Variants in ZMAT4 observed in about 807,000 individuals in gnomAD.
ZMAT4 encodes the protein zinc finger matrin-type protein 4.
ZMAT4 carries 17 observed loss-of-function variants against 28.7 expected under a neutral mutation model. The observed-to-expected ratio is 0.59, with a 90% CI of 0.41 to 0.89. ZMAT4 has a LOEUF of 0.89. Ranked by LOEUF, ZMAT4 falls within the 40% of genes least tolerant of loss-of-function variation. The probability of loss-of-function intolerance (pLI) is 0.00; values close to 1 mark genes in which losing one functional copy is unlikely to be tolerated. For synonymous variants in ZMAT4, 117 were observed against 109.2 expected (o/e 1.07, Z -0.44); for missense variants, 240 against 283.8 (o/e 0.85, Z 1.11).
intron 2 of ZMAT4, 115 bp downstream of exon 2, chr8:40,825,460 C>T: frequency 1.2e-6 from 1 of 827,960 alleles, no homozygotes; most frequent in Non-Finnish European, 1.9e-6. Context: ...AGGCTCAAGT[C>T]CTGTGGTTCT....
intron 5 of ZMAT4, among the ~76,000 whole-genome samples, chr8:40,594,660 G>T (rs1258298576): frequency 6.6e-6 from 1 of 152,174 alleles, no homozygotes; most frequent in Non-Finnish European, 1.5e-5. Context: ...TAATCAAGAT[G>T]GTTCTTTGCT....
At chr8:40,774,751 A>G (rs1025541804) in intron 2 of ZMAT4, among the ~76,000 whole-genome samples, 5 of 151,882 alleles carry the variant, frequency 3.3e-5, no homozygotes, top group African/African-American at 9.7e-5. Flanking sequence ...ACAAAAACGT[A>G]TATGCATCTG....
At chr8:40,842,086 C>T (rs1278174707) in intron 1 of ZMAT4, among the ~76,000 whole-genome samples, 5 of 152,334 alleles carry the variant, frequency 3.3e-5, no homozygotes, top group South Asian at 4.1e-4. Context: ...CCAAGCCCCA[C>T]AAGGCCCTCC....
intron 1 of ZMAT4, among the ~76,000 whole-genome samples, chr8:40,850,891 G>T (rs917703502): frequency 6.6e-6 from 1 of 151,988 alleles, no homozygotes; most frequent in Admixed American, 6.6e-5. Flanking sequence ...ATTTCAAAAG[G>T]GCTTTTGTCT....
At chr8:40,691,163 T>C (rs981763398) in intron 4 of ZMAT4, among the ~76,000 whole-genome samples, 6 of 152,166 alleles carry the variant, frequency 3.9e-5, no homozygotes, top group African/African-American at 1.4e-4. Context: ...TGTATGTGTG[T>C]TTCTGCTTAA....
intron 5 of ZMAT4, among the ~76,000 whole-genome samples, chr8:40,634,000 C>A (rs1463606133): frequency 6.6e-6 from 1 of 152,208 alleles, no homozygotes; most frequent in Non-Finnish European, 1.5e-5. Flanking sequence ...ATGAAGGACA[C>A]ACTGAGTCCA....
intron 1 of ZMAT4, among the ~76,000 whole-genome samples, chr8:40,867,818 G>A (rs969479619): frequency 2.6e-5 from 4 of 151,878 alleles, no homozygotes; most frequent in African/African-American, 4.8e-5. Context: ...TTCCCACTCT[G>A]CATTTATTAT....
rs141097240 is a variant in ZMAT4 at position 40,586,018 on chromosome 8, G to T, written c.578-4757C>A. On this transcript the variant is annotated intron_variant, in intron 5 of 6. Transcript: ENST00000297737. ...CTTTCCATAACAGTTCTCACGCTCT[G>T]CAGCCAGAGGCGTGGGCAGGAAATA... is the stretch of plus-strand genomic sequence containing the variant. Among the ~76,000 whole-genome samples, 10 of 152,274 alleles carry T rather than the reference G, an allele frequency of 6.6e-5. No homozygotes were observed. In the East Asian group the frequency reaches 1.9e-3, roughly 29 times the overall value.
intron 2 of ZMAT4, among the ~76,000 whole-genome samples, chr8:40,808,773 G>T (rs1338944827): frequency 6.6e-6 from 1 of 151,044 alleles, no homozygotes; most frequent in Non-Finnish European, 1.5e-5. Context: ...TCTCCAATAA[G>T]ATGCCAACTA....
intron 4 of ZMAT4, among the ~76,000 whole-genome samples, chr8:40,688,209 G>C (rs999365386): frequency 1.3e-5 from 2 of 152,112 alleles, no homozygotes; most frequent in Non-Finnish European, 2.9e-5. Context: ...TGTAATCCCA[G>C]CACTTTGAGA....
intron 6 of ZMAT4, among the ~76,000 whole-genome samples, chr8:40,555,589 G>A (rs144572407): frequency 1.2e-4 from 19 of 152,210 alleles, no homozygotes; most frequent in African/African-American, 4.3e-4. Flanking sequence ...ACTCACAGAG[G>A]ATAAGCTACT....
intron 3 of ZMAT4, among the ~76,000 whole-genome samples, chr8:40,703,075 T>C (rs1429214445): frequency 2.6e-5 from 4 of 152,146 alleles, no homozygotes; most frequent in Non-Finnish European, 4.4e-5. Context: ...CAAGGTTACA[T>C]ATGGATGGAT....
intron 6 of ZMAT4, among the ~76,000 whole-genome samples, chr8:40,564,964 C>T (rs1803864773): frequency 6.6e-6 from 1 of 152,152 alleles, no homozygotes; most frequent in East Asian, 1.9e-4. Flanking sequence ...ATCTGACATC[C>T]AGTCTTACTC....
At chr8:40,653,455 T>C (rs1264563186) in intron 5 of ZMAT4, among the ~76,000 whole-genome samples, 1 of 151,734 alleles carries the variant, frequency 6.6e-6, no homozygotes, top group Non-Finnish European at 1.5e-5. Flanking sequence ...ATAATGGAAG[T>C]CAACAAAACT....
In ZMAT4 at chr8:40,680,747, C is replaced by T. The variant is rs896279418; in HGVS notation, c.350-5816G>A. Among the ~76,000 whole-genome samples, 20 of 151,936 alleles carry T rather than the reference C, an allele frequency of 1.3e-4. No individual in the cohort carries two copies. In the East Asian group the frequency reaches 2.5e-3, roughly 19 times the overall value. The stretch of plus-strand genomic sequence containing the variant: ...ACACACACACATATACTTTCTCTCT[C>T]TCTCTACATCCCCCATCAAGCTCCC... On this transcript the variant is annotated intron_variant, in intron 4 of 6. Coordinates refer to ENST00000297737, the MANE Select transcript of ZMAT4 (RefSeq NM_024645.3).
chr8:40,629,036 T>C (rs899214797), intron 5 of ZMAT4, among the ~76,000 whole-genome samples: 3 of 151,642 alleles, frequency 2.0e-5, no homozygotes, highest in Non-Finnish European at 4.4e-5. Flanking sequence ...CTTTATTCTT[T>C]GTTCATCCCT....
chr8:40,837,133 C>A (rs1338060986), intron 1 of ZMAT4, among the ~76,000 whole-genome samples: 1 of 152,178 alleles, frequency 6.6e-6, no homozygotes, highest in Non-Finnish European at 1.5e-5. Flanking sequence ...CTGAATTTCT[C>A]AGCCTCCTTT....
intron 2 of ZMAT4, among the ~76,000 whole-genome samples, chr8:40,822,349 A>G (rs773122675): frequency 6.6e-6 from 1 of 152,228 alleles, no homozygotes; most frequent in African/African-American, 2.4e-5. Context: ...GATTTGCCCC[A>G]TAAGGAAGCT....
At chr8:40,755,989 GC>G (rs1812661930) in intron 3 of ZMAT4, among the ~76,000 whole-genome samples, 1 of 152,034 alleles carries the variant, frequency 6.6e-6, no homozygotes, top group Admixed American at 6.6e-5. Context: ...GGAACAGCAG[GC>G]CTGTCCTAAC....
Sources: allele counts gnomAD v4.1 joint callset (sites outside exome capture counted in the v4.1 genomes callset), GRCh38; gene constraint gnomAD v4.1.1; transcripts MANE v1.5; gene names NCBI Gene and HGNC (gene_info 2026-07-23, HGNC 2026-07-21).